Variants in COL24A1 observed in about 807,000 individuals in gnomAD.
COL24A1 encodes the protein collagen alpha-1(XXIV) chain.
Under a neutral mutation model 253.9 loss-of-function variants are expected in COL24A1, and 224 were observed. That is an observed-to-expected ratio of 0.88 (90% CI 0.79 to 0.99). The LOEUF is 0.99. Among genes scored for constraint, COL24A1 ranks in the 50% least tolerant of loss-of-function variants. COL24A1 has a pLI of 0.00. For missense variants in COL24A1, 2,131 were observed against 2,068.5 expected, an observed-to-expected ratio of 1.03 and a Z score of -0.59; for synonymous variants, 685 against 673.7, an observed-to-expected ratio of 1.02 and a Z score of -0.26.
At chr1:85,798,188 C>A (rs1331579398) in intron 47 of COL24A1, among the ~76,000 whole-genome samples, 3 of 123,218 alleles carry the variant, frequency 2.4e-5, no homozygotes, top group African/African-American at 8.5e-5. Flanking sequence ...CAGAGAGGGA[C>A]CCTGTCTCTA....
At position 86,126,150 on chromosome 1, in the gene COL24A1, A is replaced by G. The variant is rs751719771; in HGVS notation, c.186T>C (p.Thr62=). The change falls in exon 3 of 60, where the codon ACT becomes ACC. Residue 62 remains threonine, a synonymous_variant. Transcript: ENST00000370571. ...GKDVRHSSPA[T]AVPSASTPLP... ...ACGGTGTAGATGCTGATGGTACAGC[A>G]GTCGCTGGTGATGAGTGTCTTACGT... The G allele has an allele frequency of 6.2e-7, 1 of 1,609,898 alleles. No individual in the cohort carries two copies. The highest frequency in any genetic ancestry group is 8.5e-7 in the Non-Finnish European group (1 of 1,179,400).
chr1:86,115,519 C>T, intron 3 of COL24A1, 141 bp from the exon 4 acceptor site: 1 of 705,930 alleles, frequency 1.4e-6, no homozygotes. Flanking sequence ...GTAACACGAA[C>T]CCCCTTACCC....
At chr1:85,999,276 G>C (rs965457182) in intron 19 of COL24A1, among the ~76,000 whole-genome samples, 3 of 152,122 alleles carry the variant, frequency 2.0e-5, no homozygotes, top group African/African-American at 7.2e-5. Flanking sequence ...AGGGCAGAAA[G>C]ACTTCCTCAT....
At chr1:85,877,876 C>T (rs1681364264) in intron 32 of COL24A1, among the ~76,000 whole-genome samples, 1 of 152,104 alleles carries the variant, frequency 6.6e-6, no homozygotes, top group African/African-American at 2.4e-5. Flanking sequence ...AAATATGTGA[C>T]AAACAAATTT....
chr1:85,813,145 A>G (rs547563029), intron 47 of COL24A1, among the ~76,000 whole-genome samples: 9 of 152,270 alleles, frequency 5.9e-5, no homozygotes, highest in Non-Finnish European at 1.2e-4. Context: ...GTGAAAAAAA[A>G]AAGATGCATG....
intron 5 of COL24A1, among the ~76,000 whole-genome samples, chr1:86,104,734 T>G (rs1704788006): frequency 1.3e-5 from 2 of 152,174 alleles, no homozygotes. Context: ...CCCTTCAAGG[T>G]TAGGATCCCA....
chr1:86,008,474 TG>T (rs1262267152), intron 19 of COL24A1, among the ~76,000 whole-genome samples: 3 of 152,142 alleles, frequency 2.0e-5, no homozygotes, highest in Non-Finnish European at 4.4e-5. Context: ...ATTGAACTCC[TG>T]GGCTCAAGCA....
intron 47 of COL24A1, among the ~76,000 whole-genome samples, chr1:85,787,467 A>C (rs183783937): frequency 1.3e-5 from 2 of 151,996 alleles, no homozygotes; most frequent in East Asian, 3.9e-4. Flanking sequence ...GATATGTTTG[A>C]TTTTCTGTTT....
intron 24 of COL24A1, among the ~76,000 whole-genome samples, chr1:85,958,183 C>T (rs559050997): frequency 1.3e-5 from 2 of 151,944 alleles, no homozygotes; most frequent in Admixed American, 6.5e-5. Context: ...GTATTTTTTC[C>T]ATAGCAAGGT....
intron 24 of COL24A1, among the ~76,000 whole-genome samples, chr1:85,939,090 C>T (rs1012350300): frequency 6.6e-6 from 1 of 152,068 alleles, no homozygotes; most frequent in African/African-American, 2.4e-5. Flanking sequence ...GAACTCAATC[C>T]ATTGAGGGCC....
At chr1:86,139,447 C>T (rs76862575) in intron 2 of COL24A1, among the ~76,000 whole-genome samples, 311 of 152,092 alleles carry the variant, frequency 2.0e-3, no homozygotes, top group Non-Finnish European at 3.2e-3. Flanking sequence ...CAATATTCAG[C>T]GATAGTCTAT....
intron 5 of COL24A1, among the ~76,000 whole-genome samples, chr1:86,098,211 G>T (rs1704152356): frequency 6.6e-6 from 1 of 152,014 alleles, no homozygotes; most frequent in African/African-American, 2.4e-5. Flanking sequence ...TTTTACTAAT[G>T]GTGTCAGAGG....
intron 53 of COL24A1, among the ~76,000 whole-genome samples, chr1:85,772,036 G>A (rs944819092): frequency 7.0e-6 from 1 of 142,672 alleles, no homozygotes; most frequent in African/African-American, 2.6e-5. Context: ...ACCTATGAGT[G>A]AGAATATGTG....
intron 24 of COL24A1, among the ~76,000 whole-genome samples, chr1:85,924,793 T>C (rs141607693): frequency 6.6e-6 from 1 of 152,156 alleles, no homozygotes. Context: ...ACCACTCTTA[T>C]TCAGCATAGT....
At chr1:85,800,292 T>C (rs924715016) in intron 47 of COL24A1, among the ~76,000 whole-genome samples, 8 of 152,190 alleles carry the variant, frequency 5.3e-5, no homozygotes, top group Admixed American at 3.3e-4. Flanking sequence ...AATGTCTCCA[T>C]TGAGTGGTTT....
In COL24A1 at chr1:86,125,528, G is replaced by C. The variant is rs765248775; in HGVS notation, c.808C>G (p.Pro270Ala). 6.2e-7 allele frequency: 1 copy of C among 1,613,596 alleles called. No homozygotes were observed. Among genetic ancestry groups the C allele is most frequent in the Non-Finnish European group, 8.5e-7 (1 of 1,179,750 alleles). Residue 270 changes from proline (P) to alanine (A), a missense_variant, in exon 3 of 60, where the codon CCG becomes GCG. Transcript: ENST00000370571. ...ACTTTTTCAGCAAATAGTTTGGGCG[G>C]GGGAGAGTGTTCCGGTATCTTTGTT... ...IPTKIPEHSP[P>A]PKLFAEKVLS... is the part of the protein sequence containing the mutation.
chr1:86,031,642 T>C (rs1445701087), intron 14 of COL24A1, among the ~76,000 whole-genome samples: 1 of 152,154 alleles, frequency 6.6e-6, no homozygotes, highest in Non-Finnish European at 1.5e-5. Context: ...TACATACATA[T>C]AGGTCTATAA....
At chr1:85,889,708 C>T (rs1682903503) in intron 31 of COL24A1, 95 bp from the exon 32 acceptor site, 1 of 1,034,558 alleles carries the variant, frequency 9.7e-7, no homozygotes, top group East Asian at 2.4e-5. Context: ...TCCTTCCACC[C>T]AACTTTTCTG....
rs371245477 is a variant in COL24A1, at chr1:85,863,835, A to G, written c.3300+4684T>C. Among the ~76,000 whole-genome samples, 58 of 152,340 alleles carry G rather than the reference A, an allele frequency of 3.8e-4. 1 individual carries two copies. In the South Asian group the frequency reaches 7.2e-3, roughly 19 times the overall value. On this transcript the variant is annotated intron_variant, in intron 37 of 59. Transcript: ENST00000370571. ...CTGGCCATCAGAGAAATGCAAATCA[A>G]AACCACAATGAGATACCATCTCACA...
Sources: gnomAD v4.1 joint callset for allele counts (sites outside exome capture counted in the v4.1 genomes callset) on GRCh38, gnomAD v4.1.1 for gene constraint, MANE v1.5 for transcripts, NCBI Gene and HGNC (gene_info 2026-07-23, HGNC 2026-07-21) for gene names.